FAM178B: variants seen among roughly 807,000 people sequenced by gnomAD.
FAM178B encodes family with sequence similarity 178 member B.
In FAM178B, 82 loss-of-function variants were observed where a neutral mutation model predicts 91.7. The observed-to-expected ratio is 0.89, with a 90% CI of 0.75 to 1.07. The LOEUF (loss-of-function observed/expected upper bound fraction) is 1.07. FAM178B is among the 50% of genes least tolerant of loss of function. FAM178B has a pLI of 0.00. For missense variants in FAM178B, 769 were observed against 846.7 expected (o/e 0.91, Z 1.14); for synonymous variants, 368 against 359.4 (o/e 1.02, Z -0.27).
chr2:96,885,051 C>G (rs1292173509), intron 14 of FAM178B, among the ~76,000 whole-genome samples: 1 of 152,242 alleles, frequency 6.6e-6, no homozygotes, highest in Non-Finnish European at 1.5e-5. Context: ...GTGGGGCCTG[C>G]CAGGCAAGAC....
chr2:96,980,306 G>A (rs962356564), intron 1 of FAM178B, among the ~76,000 whole-genome samples: 14 of 152,082 alleles, frequency 9.2e-5, no homozygotes, highest in African/African-American at 3.4e-4. Context: ...GAACTCCTGA[G>A]CTCAAGTGAT....
chr2:96,962,710 TA>T (rs1455682970), intron 5 of FAM178B, among the ~76,000 whole-genome samples: 2 of 152,140 alleles, frequency 1.3e-5, no homozygotes, highest in Non-Finnish European at 2.9e-5. Context: ...CTTTTAACTT[TA>T]AGAAATGGAG....
chr2:96,972,394 T>C (rs1366408806), intron 2 of FAM178B, 72 bp from the exon 3 acceptor site: 3 of 1,477,292 alleles, frequency 2.0e-6, no homozygotes, highest in Non-Finnish European at 2.7e-6. Flanking sequence ...CCACACTGGG[T>C]AAGGAGAGCA....
At chr2:96,905,855 TATA>T (rs2081040317) in intron 12 of FAM178B, among the ~76,000 whole-genome samples, 17 of 21,804 alleles carry the variant, frequency 7.8e-4, no homozygotes, top group African/African-American at 2.5e-3. Context: ...TATATATATA[TATA>T]TATTTTTTTT....
At chr2:96,940,783 C>T (rs2081716674) in intron 8 of FAM178B, among the ~76,000 whole-genome samples, 1 of 152,164 alleles carries the variant, frequency 6.6e-6, no homozygotes, top group Non-Finnish European at 1.5e-5. Flanking sequence ...TTATACACTT[C>T]AAATGTCTGC....
At chr2:96,933,776 CAGG>C (rs1442051733) in intron 8 of FAM178B, among the ~76,000 whole-genome samples, 1 of 152,154 alleles carries the variant, frequency 6.6e-6, no homozygotes, top group East Asian at 1.9e-4. Flanking sequence ...CGAGATACCA[CAGG>C]AGGAGGGGAG....
chr2:96,971,891 AC>A lies in FAM178B; in HGVS notation c.564+9del, dbSNP rs769794961. The A allele has an allele frequency of 4.1e-6, 6 of 1,474,900 alleles. No homozygotes were observed. The East Asian group carries it at 1.5e-4, about 37-fold the overall frequency. 91.4% of individuals were successfully genotyped at this position (1,474,900 alleles called of 1,614,324 possible). A position where few individuals can be genotyped will look rare whatever the true frequency, so the allele number is the denominator to read the frequency against. On this transcript the variant is annotated intron_variant, in intron 3 of 16. Transcript: ENST00000490605. ...CAAGGAGAAGAGGCCAAGGGTGGAC[AC>A]AGGCTCACCTCTGGGGCCGCAGCCT...
At chr2:96,910,993 C>G (rs2081144653) in intron 12 of FAM178B, among the ~76,000 whole-genome samples, 1 of 152,110 alleles carries the variant, frequency 6.6e-6, no homozygotes, top group Non-Finnish European at 1.5e-5. Flanking sequence ...GTCTTGAACT[C>G]TTGACCTCAA....
Position 96,936,154 on chromosome 2 carries a change from TA to T in FAM178B, c.1079-6835del, listed in dbSNP as rs201418021. Among the ~76,000 whole-genome samples, 363 of 151,208 alleles carry T rather than the reference TA, an allele frequency of 2.4e-3. 2 individuals carry two copies. The highest frequency in any genetic ancestry group is 7.9e-3 in the African/African-American group (328 of 41,288). ...AACTGTTCTAAAAAATAAAGGCTAT[TA>T]AAAAAAAATACAACAACAAAAGTAT... is the stretch of plus-strand genomic sequence containing the variant. On this transcript the variant is annotated intron_variant, in intron 8 of 16. Coordinates refer to ENST00000490605, the MANE Select transcript of FAM178B (RefSeq NM_001122646.3).
chr2:96,962,243 G>A (rs1426444330), intron 5 of FAM178B, among the ~76,000 whole-genome samples: 1 of 151,898 alleles, frequency 6.6e-6, no homozygotes, highest in Non-Finnish European at 1.5e-5. Context: ...TGGATGTTGC[G>A]GTAAGCCGAG....
chr2:96,905,703 G>A (rs1250280597), intron 12 of FAM178B, among the ~76,000 whole-genome samples: 5 of 149,464 alleles, frequency 3.3e-5, no homozygotes, highest in East Asian at 2.0e-4. Context: ...TTGGGAAGCC[G>A]AGGTGGGCGG....
At chr2:96,952,248 A>G (rs1337268778) in intron 6 of FAM178B, among the ~76,000 whole-genome samples, 1 of 152,202 alleles carries the variant, frequency 6.6e-6, no homozygotes, top group African/African-American at 2.4e-5. Flanking sequence ...TATGTTTTTC[A>G]GATACAAAGG....
intron 12 of FAM178B, among the ~76,000 whole-genome samples, chr2:96,920,027 GGAGGGTAACACA>G (rs974923518): frequency 2.6e-5 from 4 of 152,160 alleles, no homozygotes; most frequent in African/African-American, 9.7e-5. Context: ...GGGTCCCAGT[GGAGGGTAACACA>G]GAGGTGTCTG....
chr2:96,877,870 G>A lies in FAM178B; in HGVS notation c.2007+20C>T. On this transcript the variant is annotated intron_variant, in intron 16 of 16. Coordinates refer to ENST00000490605, the MANE Select transcript of FAM178B (RefSeq NM_001122646.3). ...CCACTTCCCGCCCCTCCCAGGTCTGGGGGCTAGAGGGGGCACCACCTGGGG... is the reference window on the plus strand; with the variant it reads ...CCACTTCCCGCCCCTCCCAGGTCTGAGGGCTAGAGGGGGCACCACCTGGGG... The A allele has an allele frequency of 6.2e-7, 1 of 1,610,100 alleles. No individual in the cohort carries two copies. The highest frequency in any genetic ancestry group is 8.5e-7 in the Non-Finnish European group (1 of 1,179,478).
At chr2:96,984,953 G>A (rs764590611) in intron 1 of FAM178B, among the ~76,000 whole-genome samples, 1 of 152,168 alleles carries the variant, frequency 6.6e-6, no homozygotes, top group Non-Finnish European at 1.5e-5. Flanking sequence ...AAGGCACTGT[G>A]ACTTTCTGTG....
chr2:96,923,780 G>A (rs1482602213), intron 9 of FAM178B, among the ~76,000 whole-genome samples, 197 bp from the exon 10 acceptor site: 1 of 152,206 alleles, frequency 6.6e-6, no homozygotes, highest in East Asian at 1.9e-4. Context: ...TGGCTCGGGG[G>A]TCTCTCGGAT....
intron 14 of FAM178B, among the ~76,000 whole-genome samples, chr2:96,879,811 C>T (rs902321609): frequency 3.9e-5 from 6 of 152,258 alleles, no homozygotes. Context: ...GCCCAGCTCC[C>T]TCTGCCTGCC....
At chr2:96,908,526 C>A (rs1463390369) in intron 12 of FAM178B, among the ~76,000 whole-genome samples, 1 of 151,934 alleles carries the variant, frequency 6.6e-6, no homozygotes, top group Non-Finnish European at 1.5e-5. Flanking sequence ...ATAGGGAGAC[C>A]CCATCTCTCA....
At chr2:96,953,582 T>C (rs554965117) in intron 6 of FAM178B, among the ~76,000 whole-genome samples, 8 of 152,342 alleles carry the variant, frequency 5.3e-5, no homozygotes, top group Admixed American at 2.6e-4. Context: ...AGAGAAATGA[T>C]TGATTGGCCT....
Sources: allele counts gnomAD v4.1 joint callset (sites outside exome capture counted in the v4.1 genomes callset), GRCh38; gene constraint gnomAD v4.1.1; transcripts MANE v1.5; gene names NCBI Gene and HGNC (gene_info 2026-07-23, HGNC 2026-07-21).